PDS5B: variants seen among roughly 807,000 people sequenced by gnomAD.
PDS5B encodes PDS5 cohesin associated factor B.
Under a neutral mutation model 184.1 loss-of-function variants are expected in PDS5B, and 51 were observed. The observed-to-expected ratio is 0.28, with a 90% CI of 0.22 to 0.35. The LOEUF is 0.35. Ranked by LOEUF, PDS5B falls within the 10% of genes least tolerant of loss-of-function variation. The pLI, the probability that PDS5B is intolerant of heterozygous loss-of-function variation, is 1.00. For missense variants in PDS5B, 1,180 were observed against 1,723.3 expected (o/e 0.68, Z 5.58); for synonymous variants, 566 against 569.2 (o/e 0.99, Z 0.08).
At chr13:32,705,300 T>C (rs1288595967) in intron 17 of PDS5B, among the ~76,000 whole-genome samples, 1 of 152,184 alleles carries the variant, frequency 6.6e-6, no homozygotes, top group Non-Finnish European at 1.5e-5. Context: ...TAAAAAATCT[T>C]GGGGCTACTG....
chr13:32,638,585 G>T (rs1295505533), intron 1 of PDS5B, among the ~76,000 whole-genome samples: 1 of 152,152 alleles, frequency 6.6e-6, no homozygotes, highest in African/African-American at 2.4e-5. Flanking sequence ...AAACAGGTAT[G>T]TTGTATTTTC....
intron 19 of PDS5B, among the ~76,000 whole-genome samples, chr13:32,717,671 A>G (rs1952505616): frequency 1.4e-5 from 2 of 140,066 alleles, no homozygotes; most frequent in Admixed American, 1.4e-4. Flanking sequence ...TGCGAGAAAC[A>G]CCCAAGAATG....
intron 8 of PDS5B, among the ~76,000 whole-genome samples, chr13:32,674,905 G>A (rs1951025982): frequency 6.7e-6 from 1 of 149,000 alleles, no homozygotes; most frequent in African/African-American, 2.5e-5. Flanking sequence ...CTGATTCCGA[G>A]TTTTGGGGAA....
At position 32,636,907 on chromosome 13, in the gene PDS5B, G is replaced by C. The variant is rs1458118546; in HGVS notation, c.-19-11847G>C. Reference sequence around the variant, plus strand: ...CTTCCCTGATTGACAGGTGAGACTTGAAAGAGCAGTGTTAGCCAGGCATGA... The same window carrying C: ...CTTCCCTGATTGACAGGTGAGACTTCAAAGAGCAGTGTTAGCCAGGCATGA... On this transcript the variant is annotated intron_variant, in intron 1 of 34. Transcript: ENST00000315596. Among the ~76,000 whole-genome samples the C allele has an allele frequency of 2.0e-5, 3 of 152,166 alleles. No homozygotes were observed. In the East Asian group the frequency reaches 5.8e-4, roughly 29 times the overall value.
intron 26 of PDS5B, among the ~76,000 whole-genome samples, chr13:32,757,748 A>G (rs7334562): frequency 0.015 from 2,331 of 152,248 alleles, 65 homozygotes; most frequent in African/African-American, 0.054. Context: ...CCGTGGCCCC[A>G]CTATTCCTTT....
intron 1 of PDS5B, among the ~76,000 whole-genome samples, chr13:32,636,770 A>G (rs1367404481): frequency 2.0e-5 from 3 of 152,244 alleles, no homozygotes; most frequent in Non-Finnish European, 4.4e-5. Flanking sequence ...AAGGGGAAAC[A>G]CATTAGAGAA....
chr13:32,747,130 CTT>C (rs1397992124), intron 24 of PDS5B, among the ~76,000 whole-genome samples: 1 of 152,134 alleles, frequency 6.6e-6, no homozygotes, highest in Non-Finnish European at 1.5e-5. Flanking sequence ...GTTAGAGTAA[CTT>C]TATATTTGGG....
chr13:32,632,393 C>T (rs2058471584), intron 1 of PDS5B, among the ~76,000 whole-genome samples: 1 of 152,016 alleles, frequency 6.6e-6, no homozygotes, highest in South Asian at 2.1e-4. Context: ...CACAAATAGA[C>T]CTGTAAGCAC....
rs1019637002 is a variant in PDS5B at position 32,755,495 on chromosome 13, G to A, written c.2942-347G>A. ...GTCATTTCTAATAGGAAAAATAGAT[G>A]TTTTTTCTCTCACTCTTGAATATAG... On this transcript the variant is annotated intron_variant, in intron 25 of 34. Transcript: ENST00000315596. 2.6e-5 allele frequency among the ~76,000 whole-genome samples: 4 copies of A among 151,958 alleles called. No individual in the cohort carries two copies. The East Asian group carries it at 5.8e-4, about 22-fold the overall frequency.
intron 1 of PDS5B, among the ~76,000 whole-genome samples, chr13:32,637,947 A>G (rs1037971308): frequency 4.6e-5 from 7 of 152,270 alleles, no homozygotes; most frequent in African/African-American, 1.4e-4. Context: ...TATATTGGCA[A>G]TTTGGGTTTG....
intron 33 of PDS5B, among the ~76,000 whole-genome samples, chr13:32,771,980 G>A (rs1247562973): frequency 6.6e-6 from 1 of 151,398 alleles, no homozygotes; most frequent in Admixed American, 6.6e-5. Flanking sequence ...AGAAGATTCT[G>A]TAGTCTGTCT....
At chr13:32,604,540 T>C (rs1430370774) in intron 1 of PDS5B, among the ~76,000 whole-genome samples, 1 of 152,208 alleles carries the variant, frequency 6.6e-6, no homozygotes, top group Non-Finnish European at 1.5e-5. Flanking sequence ...TTCTCTTTTT[T>C]TGTTGTGTCT....
intron 6 of PDS5B, among the ~76,000 whole-genome samples, chr13:32,666,401 A>G (rs1213955182): frequency 2.6e-5 from 4 of 152,156 alleles, no homozygotes; most frequent in African/African-American, 9.7e-5. Flanking sequence ...TTGATAGTAC[A>G]GTAGGGAAAT....
intron 1 of PDS5B, among the ~76,000 whole-genome samples, chr13:32,635,170 G>GTTTTTTTTTTT (rs71071054): frequency 2.5e-5 from 2 of 81,114 alleles, no homozygotes; most frequent in Non-Finnish European, 5.0e-5. Flanking sequence ...AGCCAATTAC[G>GTTTTTTTTTTT]TTTTTTTTTT....
At chr13:32,716,696 C>T (rs1338411586) in intron 19 of PDS5B, among the ~76,000 whole-genome samples, 2 of 131,336 alleles carry the variant, frequency 1.5e-5, no homozygotes, top group African/African-American at 2.9e-5. Flanking sequence ...CGGCCAGCTG[C>T]CCCGTTTGGG....
At chr13:32,657,026 T>C (rs1393386777) in intron 3 of PDS5B, among the ~76,000 whole-genome samples, 1 of 152,242 alleles carries the variant, frequency 6.6e-6, no homozygotes, top group Non-Finnish European at 1.5e-5. Context: ...GTATGTGCCA[T>C]GTGCAGATGA....
chr13:32,607,619 T>TA (rs1449302857), intron 1 of PDS5B, among the ~76,000 whole-genome samples: 1 of 152,220 alleles, frequency 6.6e-6, no homozygotes, highest in African/African-American at 2.4e-5. Flanking sequence ...CTGCAGAAGT[T>TA]TCTGCTGCCT....
chr13:32,736,509 T>A (rs1027448117), intron 21 of PDS5B, among the ~76,000 whole-genome samples: 1 of 152,106 alleles, frequency 6.6e-6, no homozygotes, highest in African/African-American at 2.4e-5. Flanking sequence ...CTGAAGGTCT[T>A]CTGTCTGTTT....
intron 6 of PDS5B, among the ~76,000 whole-genome samples, chr13:32,664,058 T>C (rs1950721135): frequency 6.6e-6 from 1 of 152,240 alleles, no homozygotes; most frequent in South Asian, 2.1e-4. Context: ...TTTCATTCTT[T>C]TTATCGCTGA....
Sources: gnomAD v4.1 joint callset for allele counts (sites outside exome capture counted in the v4.1 genomes callset) on GRCh38, gnomAD v4.1.1 for gene constraint, MANE v1.5 for transcripts, NCBI Gene and HGNC (gene_info 2026-07-23, HGNC 2026-07-21) for gene names.